TCEA3: variants seen among roughly 807,000 people sequenced by gnomAD.
TCEA3 encodes transcription elongation factor A protein 3.
In TCEA3, 36 loss-of-function variants were observed where a neutral mutation model predicts 44.0. The observed-to-expected ratio is 0.82, with a 90% CI of 0.63 to 1.08. TCEA3 has a LOEUF of 1.08. Among genes scored for constraint, TCEA3 ranks in the 50% least tolerant of loss-of-function variants. TCEA3 has a pLI of 0.00. For synonymous variants in TCEA3, 162 were observed against 159.7 expected (o/e 1.01, Z -0.11); for missense variants, 392 against 441.2 (o/e 0.89, Z 1.00).
At chr1:23,412,766 A>G (rs970371752) in intron 4 of TCEA3, among the ~76,000 whole-genome samples, 1 of 152,224 alleles carries the variant, frequency 6.6e-6, no homozygotes, top group Admixed American at 6.5e-5. Flanking sequence ...GTATGTAGTT[A>G]AACCAGGCCT....
intron 1 of TCEA3, among the ~76,000 whole-genome samples, chr1:23,422,908 A>G (rs936561632): frequency 2.0e-5 from 3 of 152,188 alleles, no homozygotes; most frequent in Admixed American, 6.5e-5. Context: ...TATCCCAAGC[A>G]GCCTGCCTCT....
rs747006430 is a variant in TCEA3 at position 23,404,151 on chromosome 1, C to G, written c.443+4513G>C. 4.3e-6 allele frequency: 3 copies of G among 702,328 alleles called. No homozygotes were observed. The South Asian group carries it at 4.4e-5, about 10-fold the overall frequency. 43.5% of individuals were successfully genotyped at this position (702,328 alleles called of 1,614,324 possible). ...GAGGGCATTTCAGTTACTGCATCAG[C>G]GAGCATGCTCTGCAAATGGCAAATC... On this transcript the variant is annotated intron_variant, in intron 5 of 10. Transcript: ENST00000450454.
chr1:23,398,012 A>G, intron 5 of TCEA3, 57 bp from the exon 6 acceptor site: 1 of 1,586,894 alleles, frequency 6.3e-7, no homozygotes. Context: ...GCATTTATTG[A>G]GCAGCATTCT....
chr1:23,415,263 TC>T (rs1163798641), intron 4 of TCEA3, among the ~76,000 whole-genome samples: 1 of 152,124 alleles, frequency 6.6e-6, no homozygotes, highest in African/African-American at 2.4e-5. Context: ...CCTCAGGTGA[TC>T]CACCCACCTC....
intron 10 of TCEA3, among the ~76,000 whole-genome samples, chr1:23,382,322 G>A (rs1638691174): frequency 6.6e-6 from 1 of 152,184 alleles, no homozygotes; most frequent in Non-Finnish European, 1.5e-5. Context: ...TTACAGGCAC[G>A]AGCCACTGCG....
At chr1:23,405,829 T>C (rs1639528576) in intron 5 of TCEA3, among the ~76,000 whole-genome samples, 1 of 152,180 alleles carries the variant, frequency 6.6e-6, no homozygotes, top group Non-Finnish European at 1.5e-5. Flanking sequence ...GTGTTTTGAT[T>C]ACAGCATCAA....
Position 23,385,079 on chromosome 1 carries a change from G to A in TCEA3, c.967-662C>T, listed in dbSNP as rs77997982. Among the ~76,000 whole-genome samples, 1,332 of 152,246 alleles carry A rather than the reference G, an allele frequency of 8.7e-3. 13 individuals carry two copies. The highest frequency in any genetic ancestry group is 0.015 in the Non-Finnish European group (1,007 of 68,012). ...CTAAATATCATTGGGACTATTTAAT[G>A]TTACATTTTCTCATCCTCTTAGCCT... On this transcript the variant is annotated intron_variant, in intron 9 of 10. Coordinates refer to ENST00000450454, the MANE Select transcript of TCEA3 (RefSeq NM_003196.3).
intron 5 of TCEA3, among the ~76,000 whole-genome samples, chr1:23,399,130 ATATATGTATATATG>A (rs1331470122): frequency 4.1e-5 from 3 of 73,380 alleles, no homozygotes; most frequent in Admixed American, 1.9e-4. Context: ...TTTTGTTTAT[ATATATGTATATATG>A]TATATATATA....
chr1:23,402,098 T>C (rs1372062246), intron 5 of TCEA3, among the ~76,000 whole-genome samples: 1 of 152,208 alleles, frequency 6.6e-6, no homozygotes, highest in East Asian at 1.9e-4. Context: ...CCCAGCACTT[T>C]GGCAGATCGA....
chr1:23,391,083 C>G (rs552502697), intron 8 of TCEA3, among the ~76,000 whole-genome samples: 3 of 151,672 alleles, frequency 2.0e-5, no homozygotes, highest in South Asian at 4.2e-4. Flanking sequence ...CTTCCCCTCA[C>G]AGCAGGCAGC....
intron 7 of TCEA3, among the ~76,000 whole-genome samples, chr1:23,395,354 C>T (rs946266): frequency 0.82 from 124,219 of 152,190 alleles, 54,040 homozygotes; most frequent in Non-Finnish European, 0.96. Flanking sequence ...CCGGGGGCAC[C>T]GGCCCCTCAG....
Position 23,393,983 on chromosome 1 carries a change from G to A in TCEA3, c.715C>T (p.Arg239Cys), listed in dbSNP as rs549062868. ...TCCTTGAGGTTGCTTATGCGGCTGC[G>A]CACGCGGTTCCGGTACTTCATGTCC... The part of the protein sequence containing the change: ...STDMKYRNRV[R>C]SRISNLKDPR... The change falls in exon 8 of 11, where the codon CGC becomes TGC. Residue 239 changes from arginine (R) to cysteine (C), a missense_variant. Arg to Cys is a radical substitution (Grantham distance 180). Transcript: ENST00000450454. 5.0e-6 allele frequency: 8 copies of A among 1,614,012 alleles called. No homozygotes were observed. Among genetic ancestry groups the A allele is most frequent in the South Asian group, 4.4e-5 (4 of 91,084 alleles).
chr1:23,406,378 C>A (rs989831477), intron 5 of TCEA3, among the ~76,000 whole-genome samples: 14 of 152,328 alleles, frequency 9.2e-5, no homozygotes, highest in African/African-American at 3.1e-4. Context: ...GAGGCCAACA[C>A]CCTTATCATC....
intron 7 of TCEA3, among the ~76,000 whole-genome samples, chr1:23,394,849 C>T (rs917545781): frequency 6.6e-6 from 1 of 152,246 alleles, no homozygotes; most frequent in Non-Finnish European, 1.5e-5. Context: ...TCCACTCACC[C>T]GGCAGGAAGT....
At chr1:23,392,617 C>T (rs879103633) in intron 8 of TCEA3, among the ~76,000 whole-genome samples, 1 of 1,324 alleles carries the variant, frequency 7.6e-4, no homozygotes, top group Non-Finnish European at 1.9e-3. Flanking sequence ...CATACACACA[C>T]ACACACACTC....
intron 9 of TCEA3, 123 bp from the exon 10 acceptor site, chr1:23,384,540 G>A: frequency 1.0e-6 from 1 of 961,298 alleles, no homozygotes; most frequent in Non-Finnish European, 1.5e-6. Flanking sequence ...ACCCCCCGCT[G>A]GCAATTTCCT....
rs77083689 is a variant in TCEA3 at position 23,407,188 on chromosome 1, C to T, written c.443+1476G>A. 4.3e-3 allele frequency among the ~76,000 whole-genome samples: 660 copies of T among 152,290 alleles called. 8 individuals carry two copies. The highest frequency in any genetic ancestry group is 0.015 in the African/African-American group (623 of 41,554). ...CCTGACTCCTCTGTTTCTCTCATTCCTCACATCCAATCTGTCAGGAAGTTC... is the reference window on the plus strand; with the variant it reads ...CCTGACTCCTCTGTTTCTCTCATTCTTCACATCCAATCTGTCAGGAAGTTC... On this transcript the variant is annotated intron_variant, in intron 5 of 10. Transcript: ENST00000450454.
intron 8 of TCEA3, 40 bp from the exon 9 acceptor site, chr1:23,387,459 T>G (rs676363): frequency 0.91 from 1,399,459 of 1,544,978 alleles, 635,238 homozygotes; most frequent in Admixed American, 0.93. Flanking sequence ...CTGAGGAGTT[T>G]CAGGGGCCCT....
In TCEA3 at chr1:23,417,355, C is replaced by A; in HGVS notation, c.274G>T (p.Glu92Ter). Residue 92 changes from glutamate to a stop codon, truncating the protein, a stop_gained, in exon 4 of 11, where the codon GAA becomes TAA. Coordinates refer to ENST00000450454, the MANE Select transcript of TCEA3 (RefSeq NM_003196.3). LOFTEE classifies it high-confidence loss of function. ...PGPPKGEKGE[E>*]REKAKKKEKG... is the part of the protein sequence containing the mutation. ...TCCTTCTTCTTTGCCTTTTCTCTTT[C>A]CTCTCCTTTTTCTCCTTTTGGGGGT... 6.2e-7 allele frequency: 1 copy of A among 1,613,974 alleles called. No individual in the cohort carries two copies. Among genetic ancestry groups the A allele is most frequent in the Admixed American group, 1.7e-5 (1 of 60,026 alleles).
Sources: gnomAD v4.1 joint callset for allele counts (sites outside exome capture counted in the v4.1 genomes callset) on GRCh38, gnomAD v4.1.1 for gene constraint, MANE v1.5 for transcripts, NCBI Gene and HGNC (gene_info 2026-07-23, HGNC 2026-07-21) for gene names.